The following LRRC37A3 variants were observed in gnomAD, a reference collection of about 807,000 sequenced individuals.
LRRC37A3 encodes the protein leucine rich repeat containing 37 member A3.
In LRRC37A3, 25 loss-of-function variants were observed where a neutral mutation model predicts 106.2. The ratio of observed to expected loss-of-function variants is 0.24; its 90% CI spans 0.17 to 0.33. The LOEUF is 0.33. Among genes scored for constraint, LRRC37A3 ranks in the 10% least tolerant of loss-of-function variants. LRRC37A3 has a pLI of 1.00. For missense variants in LRRC37A3, 712 were observed against 1,644.9 expected, an observed-to-expected ratio of 0.43 and a Z score of 9.81; for synonymous variants, 305 against 635.8, an observed-to-expected ratio of 0.48 and a Z score of 7.83.
chr17:64,910,181 T>C (rs1974557310), intron 2 of LRRC37A3: 1 of 152,354 alleles, frequency 6.6e-6, no homozygotes, highest in Admixed American at 6.5e-5. Context: ...TTTGCCTATA[T>C]ATTTTAGACA....
In LRRC37A3 at chr17:64,919,473, G is replaced by A; in HGVS notation, c.-659C>T. The A allele has an allele frequency of 2.2e-6, 1 of 456,450 alleles. No homozygotes were observed. The highest frequency in any genetic ancestry group is 3.9e-6 in the Non-Finnish European group (1 of 259,410). The allele number at this position is 456,450 out of a possible 1,614,324, so 28.3% of individuals were successfully genotyped here. A position where few individuals can be genotyped will look rare whatever the true frequency, so the allele number is the denominator to read the frequency against. On this transcript the variant is annotated 5_prime_UTR_variant, in exon 1 of 15. Transcript: ENST00000584306. ...CGCCATCTTGTTTCTTCCGTTACCG[G>A]AGCGCGGTCACGTGAGCTGAGCAGC...
chr17:64,903,975 C>A (rs1288651258), intron 2 of LRRC37A3, among the ~76,000 whole-genome samples: 2 of 151,922 alleles, frequency 1.3e-5, no homozygotes, highest in Non-Finnish European at 1.5e-5. Flanking sequence ...CCCATCTCTA[C>A]TAAAAATACA....
chr17:64,857,694 G>A (rs925577394), intron 13 of LRRC37A3, among the ~76,000 whole-genome samples: 1 of 152,182 alleles, frequency 6.6e-6, no homozygotes, highest in African/African-American at 2.4e-5. Context: ...AATATTCAGG[G>A]AAGGTGTCAA....
At chr17:64,876,358 T>A (rs866039420) in intron 8 of LRRC37A3, among the ~76,000 whole-genome samples, 3 of 151,788 alleles carry the variant, frequency 2.0e-5, no homozygotes, top group Admixed American at 6.6e-5. Flanking sequence ...AACTTTTAAA[T>A]TTTTTTTGTA....
chr17:64,855,968 C>G (rs1181558710), intron 13 of LRRC37A3, 79 bp from the exon 14 acceptor site: 20 of 1,604,386 alleles, frequency 1.2e-5, no homozygotes, highest in Non-Finnish European at 1.6e-5. Flanking sequence ...TCCTTTTATT[C>G]ATTATAAGTC....
chr17:64,878,496 C>T (rs1973586359), intron 8 of LRRC37A3, among the ~76,000 whole-genome samples: 1 of 152,038 alleles, frequency 6.6e-6, no homozygotes, highest in Non-Finnish European at 1.5e-5. Context: ...GATAAAAAGA[C>T]AAATCAATTT....
At chr17:64,874,502 C>A (rs1389708125) in intron 8 of LRRC37A3, among the ~76,000 whole-genome samples, 1 of 150,626 alleles carries the variant, frequency 6.6e-6, no homozygotes, top group Non-Finnish European at 1.5e-5. Flanking sequence ...CCCGGCCAGC[C>A]GCCCCGTCCG....
intron 11 of LRRC37A3, among the ~76,000 whole-genome samples, chr17:64,862,318 T>C (rs1972903604): frequency 6.6e-6 from 1 of 151,942 alleles, no homozygotes; most frequent in Admixed American, 6.6e-5. Flanking sequence ...AACAGAAAGG[T>C]TTGAGATTCG....
Position 64,864,529 on chromosome 17 carries a change from T to A in LRRC37A3, c.3054-1511A>T, listed in dbSNP as rs2143405537. Among the ~76,000 whole-genome samples, 2 of 152,236 alleles carry A rather than the reference T, an allele frequency of 1.3e-5. 1 individual carries two copies. The highest frequency in any genetic ancestry group is 4.2e-4 in the South Asian group (2 of 4,810). ...CCGAGACAACTGATTAATTTATTGT[T>A]GTGGCTTATTGGGGGCACTTTCAGA... On this transcript the variant is annotated intron_variant, in intron 10 of 14. Transcript: ENST00000584306.
At chr17:64,917,459 CATT>C (rs1223806642) in intron 2 of LRRC37A3, among the ~76,000 whole-genome samples, 1 of 151,844 alleles carries the variant, frequency 6.6e-6, no homozygotes, top group Non-Finnish European at 1.5e-5. Flanking sequence ...AGACAAAAAA[CATT>C]ATGGAAATGT....
intron 8 of LRRC37A3, among the ~76,000 whole-genome samples, chr17:64,873,548 G>A (rs1354927473): frequency 6.6e-6 from 1 of 150,540 alleles, no homozygotes; most frequent in African/African-American, 2.5e-5. Flanking sequence ...CTAAAGGAAA[G>A]TATGAAAGCA....
chr17:64,859,404 TG>T, intron 12 of LRRC37A3, 37 bp downstream of exon 12: 1 of 1,106,906 alleles, frequency 9.0e-7, no homozygotes, highest in Non-Finnish European at 1.3e-6. Context: ...TGCTAAATGA[TG>T]GGAAATCTGG....
intron 8 of LRRC37A3, among the ~76,000 whole-genome samples, chr17:64,870,861 C>A (rs992582100): frequency 6.6e-6 from 1 of 151,220 alleles, no homozygotes; most frequent in Non-Finnish European, 1.5e-5. Flanking sequence ...TTTCTCCTCT[C>A]CCCTTCACTC....
At chr17:64,871,587 C>T (rs1973314033) in intron 8 of LRRC37A3, 1 of 152,044 alleles carries the variant, frequency 6.6e-6, no homozygotes, top group African/African-American at 2.4e-5. Flanking sequence ...TTTTGACCTG[C>T]TCTAGTCCTG....
At chr17:64,869,714 T>A (rs61511796) in intron 8 of LRRC37A3, among the ~76,000 whole-genome samples, 1 of 151,996 alleles carries the variant, frequency 6.6e-6, no homozygotes, top group East Asian at 1.9e-4. Flanking sequence ...CTAATTTTTG[T>A]ATTTTTAGTA....
At chr17:64,884,366 ATAT>A (rs1204528829) in intron 8 of LRRC37A3, among the ~76,000 whole-genome samples, 31 of 151,018 alleles carry the variant, frequency 2.1e-4, no homozygotes, top group Admixed American at 5.9e-4. Context: ...TATTATTATT[ATAT>A]TATTATTATT....
At chr17:64,866,602 ATATATATATATATATATATATATATAT>A (rs1165889536) in intron 10 of LRRC37A3, among the ~76,000 whole-genome samples, 15 of 16,832 alleles carry the variant, frequency 8.9e-4, no homozygotes, top group Admixed American at 1.4e-3. Flanking sequence ...ATATATATAT[ATATATATATATATATATATATATATAT>A]TTTTTTTTTT....
At position 64,863,223 on chromosome 17, in the gene LRRC37A3, C is replaced by T. The variant is rs1306809766; in HGVS notation, c.3054-205G>A. On this transcript the variant is annotated intron_variant, in intron 10 of 14. Transcript: ENST00000584306. The stretch of plus-strand genomic sequence containing the variant: ...TAAGCATGGCAGTGAGTATGGTATG[C>T]CTAGAATAAAGATGGTTGGGATTAG... The T allele has an allele frequency of 9.9e-6, 6 of 607,674 alleles. No homozygotes were observed. In the African/African-American group the frequency reaches 1.1e-4, roughly 11 times the overall value. The allele number at this position is 607,674 out of a possible 1,614,324, so 37.6% of individuals were successfully genotyped here.
At chr17:64,910,335 A>G (rs1374944796) in intron 2 of LRRC37A3, among the ~76,000 whole-genome samples, 2 of 152,268 alleles carry the variant, frequency 1.3e-5, no homozygotes, top group African/African-American at 4.8e-5. Context: ...CAGCGTGAGC[A>G]CAATTATATT....
Sources: gnomAD v4.1 joint callset for allele counts (sites outside exome capture counted in the v4.1 genomes callset) on GRCh38, gnomAD v4.1.1 for gene constraint, MANE v1.5 for transcripts, NCBI Gene and HGNC (gene_info 2026-07-23, HGNC 2026-07-21) for gene names.